WWOX: variants seen among roughly 807,000 people sequenced by gnomAD.
WWOX encodes the protein WW domain containing oxidoreductase, also known as WW domain-containing oxidoreductase.
WWOX carries 69 observed loss-of-function variants against 46.2 expected under a neutral mutation model. That is an observed-to-expected ratio of 1.49 (90% CI 1.23 to 1.82). The LOEUF (loss-of-function observed/expected upper bound fraction) is 1.82. Ranked by LOEUF, WWOX falls within the 40% of genes most tolerant of loss-of-function variation. The pLI is 0.00. For synonymous variants in WWOX, 359 were observed against 202.6 expected (o/e 1.77, Z -6.56); for missense variants, 919 against 542.6 (o/e 1.69, Z -6.89).
At chr16:78,526,769 C>T (rs2043480142) in intron 8 of WWOX, among the ~76,000 whole-genome samples, 1 of 152,144 alleles carries the variant, frequency 6.6e-6, no homozygotes. Context: ...GCAACAGGGG[C>T]AGTGGGTCTC....
intron 8 of WWOX, among the ~76,000 whole-genome samples, chr16:78,893,215 C>T (rs550507911): frequency 1.3e-5 from 2 of 152,026 alleles, no homozygotes; most frequent in African/African-American, 4.8e-5. Context: ...AGTGGGGATG[C>T]CCCTCTTGAC....
chr16:78,351,237 C>G (rs893368281), intron 5 of WWOX, among the ~76,000 whole-genome samples: 1 of 152,184 alleles, frequency 6.6e-6, no homozygotes, highest in African/African-American at 2.4e-5. Flanking sequence ...ACACTGCTCC[C>G]CGATTACAAT....
chr16:78,884,653 A>T (rs965415606), intron 8 of WWOX, among the ~76,000 whole-genome samples: 2 of 152,212 alleles, frequency 1.3e-5, no homozygotes, highest in Admixed American at 1.3e-4. Context: ...AACTATTCCT[A>T]TTAGAAGTCA....
At chr16:79,019,118 A>G (rs1005945067) in intron 8 of WWOX, among the ~76,000 whole-genome samples, 6 of 135,382 alleles carry the variant, frequency 4.4e-5, no homozygotes, top group African/African-American at 1.4e-4. Context: ...AGATCACACC[A>G]CTGCCTTCTA....
intron 7 of WWOX, among the ~76,000 whole-genome samples, chr16:78,425,815 A>T (rs142085064): frequency 1.3e-5 from 2 of 152,030 alleles, no homozygotes; most frequent in Non-Finnish European, 2.9e-5. Flanking sequence ...GGCGGGGGGA[A>T]CTTACACTCT....
intron 8 of WWOX, among the ~76,000 whole-genome samples, chr16:78,642,633 A>G (rs2046747735): frequency 6.6e-6 from 1 of 151,954 alleles, no homozygotes; most frequent in Admixed American, 6.6e-5. Flanking sequence ...GCCAGCTGAG[A>G]TATGGATGAA....
chr16:78,775,891 C>G (rs962916922), intron 8 of WWOX, among the ~76,000 whole-genome samples: 1 of 152,138 alleles, frequency 6.6e-6, no homozygotes, highest in Non-Finnish European at 1.5e-5. Context: ...ATCATGAGCC[C>G]CTGTAAGAGC....
chr16:78,834,040 C>A (rs1187536948), intron 8 of WWOX, among the ~76,000 whole-genome samples: 1 of 152,198 alleles, frequency 6.6e-6, no homozygotes, highest in Non-Finnish European at 1.5e-5. Flanking sequence ...ATGAGTGAAG[C>A]CATCAGTCAA....
intron 8 of WWOX, among the ~76,000 whole-genome samples, chr16:78,753,825 A>T (rs4888841): frequency 0.095 from 1,914 of 20,082 alleles, 151 homozygotes; most frequent in Non-Finnish European, 0.17. Context: ...AAAAAAAAAA[A>T]ATATATATAT....
intron 8 of WWOX, among the ~76,000 whole-genome samples, chr16:79,210,273 A>G (rs1264951168): frequency 2.0e-5 from 3 of 152,212 alleles, no homozygotes; most frequent in Non-Finnish European, 4.4e-5. Context: ...AGTCTGCCTT[A>G]TGGCAGATTC....
chr16:78,224,255 G>C (rs544036489), intron 5 of WWOX, among the ~76,000 whole-genome samples: 1 of 152,026 alleles, frequency 6.6e-6, no homozygotes, highest in South Asian at 2.1e-4. Context: ...CGCCTGCCTC[G>C]GCCTCCCAAA....
At chr16:79,095,848 T>TTC (rs1295307264) in intron 8 of WWOX, among the ~76,000 whole-genome samples, 72 of 146,272 alleles carry the variant, frequency 4.9e-4, no homozygotes, top group African/African-American at 9.2e-4. Context: ...CACTGCTCAA[T>TTC]TCTCTCTCTC....
In WWOX at chr16:79,211,645, T is replaced by A; in HGVS notation, c.1094T>A (p.Val365Asp). 6.2e-7 allele frequency: 1 copy of A among 1,614,180 alleles called. No individual in the cohort carries two copies. The highest frequency in any genetic ancestry group is 1.3e-5 in the African/African-American group (1 of 75,060). Residue 365 changes from valine (V) to aspartate (D), a missense_variant, in exon 9 of 9, where the codon GTC becomes GAC. Physicochemically the swap from Val to Asp is radical, Grantham distance 152. Coordinates refer to ENST00000566780, the MANE Select transcript of WWOX (RefSeq NM_016373.4). ...GAATTVYCAA[V>D]PELEGLGGMY... ...GCCACCACCGTGTACTGTGCTGCTG[T>A]CCCAGAACTGGAGGGTCTGGGAGGG...
intron 8 of WWOX, among the ~76,000 whole-genome samples, chr16:78,734,769 A>G (rs980337760): frequency 6.7e-6 from 1 of 149,120 alleles, no homozygotes. Context: ...GAAGGTCTGA[A>G]TAGAGCAAAT....
intron 8 of WWOX, among the ~76,000 whole-genome samples, chr16:78,917,316 G>T (rs2045275007): frequency 6.6e-6 from 1 of 152,138 alleles, no homozygotes; most frequent in African/African-American, 2.4e-5. Context: ...AGAAGAGAGG[G>T]ATGGTTCTGT....
intron 8 of WWOX, among the ~76,000 whole-genome samples, chr16:79,093,855 T>A (rs1169629614): frequency 6.6e-6 from 1 of 152,090 alleles, no homozygotes; most frequent in Admixed American, 6.5e-5. Context: ...GGGAACCGAG[T>A]GACTCAGCCC....
At chr16:78,434,433 T>C (rs1295959012) in intron 8 of WWOX, among the ~76,000 whole-genome samples, 1 of 152,194 alleles carries the variant, frequency 6.6e-6, no homozygotes, top group Non-Finnish European at 1.5e-5. Flanking sequence ...TCATACTTTG[T>C]TGTGTCCTTC....
At chr16:78,626,761 G>A (rs2472193) in intron 8 of WWOX, among the ~76,000 whole-genome samples, 114,593 of 152,010 alleles carry the variant, frequency 0.75, 43,316 homozygotes, top group Middle Eastern at 0.78. Context: ...TTGGAATTCT[G>A]CATGGAATAT....
At chr16:78,334,944 C>T (rs1288056310) in intron 5 of WWOX, among the ~76,000 whole-genome samples, 4 of 143,854 alleles carry the variant, frequency 2.8e-5, no homozygotes, top group South Asian at 4.3e-4. Context: ...AAAAAGGCAG[C>T]AAAATGTGAG....
Sources: allele counts gnomAD v4.1 joint callset (sites outside exome capture counted in the v4.1 genomes callset), GRCh38; gene constraint gnomAD v4.1.1; transcripts MANE v1.5; gene names NCBI Gene and HGNC (gene_info 2026-07-23, HGNC 2026-07-21).